UTRN: variants seen among roughly 807,000 people sequenced by gnomAD.
UTRN encodes the protein dystrophin-related protein 1.
UTRN carries 283 observed loss-of-function variants against 463.9 expected under a neutral mutation model. The ratio of observed to expected loss-of-function variants is 0.61; its 90% CI spans 0.55 to 0.67. UTRN has a LOEUF of 0.67. Among genes scored for constraint, UTRN ranks in the 30% least tolerant of loss-of-function variants. The probability of loss-of-function intolerance (pLI) is 0.00; values close to 1 mark genes in which losing one functional copy is unlikely to be tolerated. For synonymous variants in UTRN, 1,442 were observed against 1,431.5 expected (o/e 1.01, Z -0.17); for missense variants, 3,922 against 4,084.3 (o/e 0.96, Z 1.08).
At chr6:144,812,258 C>T (rs1778685204) in intron 65 of UTRN, among the ~76,000 whole-genome samples, 1 of 152,120 alleles carries the variant, frequency 6.6e-6, no homozygotes, top group African/African-American at 2.4e-5. Flanking sequence ...AGCTTCCTTT[C>T]ATGTGTTGCT....
chr6:144,642,038 G>A (rs746661080), intron 51 of UTRN, among the ~76,000 whole-genome samples: 4 of 152,178 alleles, frequency 2.6e-5, no homozygotes, highest in Non-Finnish European at 4.4e-5. Flanking sequence ...AAGGCATAGA[G>A]TGTATGTCCC....
intron 43 of UTRN, 44 bp from the exon 44 acceptor site, chr6:144,537,538 T>C: frequency 7.0e-7 from 1 of 1,423,532 alleles, no homozygotes; most frequent in African/African-American, 1.5e-5. Context: ...TCTGCTTAAT[T>C]GGACAGTTTT....
intron 43 of UTRN, among the ~76,000 whole-genome samples, chr6:144,535,731 A>G (rs987040677): frequency 6.6e-6 from 1 of 152,182 alleles, no homozygotes; most frequent in African/African-American, 2.4e-5. Context: ...TTGTTTTTGT[A>G]TTGAGTGCCT....
chr6:144,545,323 G>A (rs1044779236), intron 46 of UTRN, among the ~76,000 whole-genome samples: 7 of 152,162 alleles, frequency 4.6e-5, no homozygotes, highest in Non-Finnish European at 1.0e-4. Flanking sequence ...TGATTGTGTC[G>A]TTTCTTTGTT....
At chr6:144,631,534 G>A (rs1776522050) in intron 51 of UTRN, among the ~76,000 whole-genome samples, 1 of 152,172 alleles carries the variant, frequency 6.6e-6, no homozygotes, top group Non-Finnish European at 1.5e-5. Flanking sequence ...AAAAGGTTTT[G>A]TGAGGGAAAG....
At chr6:144,466,703 A>G (rs1789996646) in intron 23 of UTRN, among the ~76,000 whole-genome samples, 1 of 152,192 alleles carries the variant, frequency 6.6e-6, no homozygotes, top group Admixed American at 6.5e-5. Flanking sequence ...CTGCTTATAT[A>G]TCTCTCCTCA....
chr6:144,482,263 A>C lies in UTRN; in HGVS notation c.3562A>C (p.Asn1188His), dbSNP rs202155507. ...KEVRVKILKD[N>H]IKLLAAKVPS... ...GGTGAGAGTGAAGATTCTCAAGGAC[A>C]ACATCAAGTTATTAGCTGCCAAGGT... is the stretch of plus-strand genomic sequence containing the variant. Residue 1188 changes from asparagine to histidine, a missense_variant, in exon 27 of 75, where the codon AAC becomes CAC. Asn to His is a moderately conservative substitution (Grantham distance 68). Around this residue, in one of 3 missense-constraint regions of UTRN, gnomAD observed 2,349 missense variants for 2,303.8 expected, o/e 1.02. Transcript: ENST00000367545. 1.2e-4 allele frequency: 197 copies of C among 1,607,592 alleles called. No individual in the cohort carries two copies. The East Asian group carries it at 4.1e-3, about 34-fold the overall frequency.
chr6:144,805,406 G>A (rs1778059802), intron 65 of UTRN, among the ~76,000 whole-genome samples: 1 of 152,198 alleles, frequency 6.6e-6, no homozygotes, highest in South Asian at 2.1e-4. Context: ...AATCAGTAAG[G>A]TTTGTCTGAG....
At position 144,690,750 on chromosome 6, in the gene UTRN, C is replaced by T. The variant is rs1324918966; in HGVS notation, c.7653-9337C>T. 3.3e-5 allele frequency among the ~76,000 whole-genome samples: 5 copies of T among 152,280 alleles called. No homozygotes were observed. The East Asian group carries it at 9.7e-4, about 30-fold the overall frequency. ...CTTCTCATCTACTCCCCATTGCTCACTACACCAGCTCCGGAGCTGGGTAGG... is the reference window on the plus strand; with the variant it reads ...CTTCTCATCTACTCCCCATTGCTCATTACACCAGCTCCGGAGCTGGGTAGG... On this transcript the variant is annotated intron_variant, in intron 52 of 74. Transcript: ENST00000367545.
chr6:144,609,996 C>A (rs1316382217), intron 51 of UTRN, among the ~76,000 whole-genome samples: 2 of 151,440 alleles, frequency 1.3e-5, no homozygotes, highest in Non-Finnish European at 2.9e-5. Context: ...CATGAATAAA[C>A]AATCTAATGT....
chr6:144,833,990 T>G lies in UTRN; in HGVS notation c.9666-1790T>G, dbSNP rs1414042054. 2.6e-5 allele frequency among the ~76,000 whole-genome samples: 4 copies of G among 152,188 alleles called. No individual in the cohort carries two copies. In the East Asian group the frequency reaches 7.7e-4, roughly 29 times the overall value. Reference sequence around the variant, plus strand: ...CTGCAGTGGTGCAGTACCCATACTCTCTTCTTCTCGTCCTTCTAAACCCAG... The same window carrying G: ...CTGCAGTGGTGCAGTACCCATACTCGCTTCTTCTCGTCCTTCTAAACCCAG... On this transcript the variant is annotated intron_variant, in intron 69 of 74. Transcript: ENST00000367545.
Position 144,755,541 on chromosome 6 carries a change from T to C in UTRN, c.8434+743T>C. Among the ~76,000 whole-genome samples the C allele has an allele frequency of 1.3e-5, 2 of 152,202 alleles. 1 individual carries two copies. The highest frequency in any genetic ancestry group is 1.3e-4 in the Admixed American group (2 of 15,272). On this transcript the variant is annotated intron_variant, in intron 57 of 74. Coordinates refer to ENST00000367545, the MANE Select transcript of UTRN (RefSeq NM_007124.3). ...ATTTCTTTGTCTTAAAATACCGTAT[T>C]ACCTATTTCCTCTGATTGTTTTGAG...
At chr6:144,565,190 G>A (rs1486670809) in intron 50 of UTRN, among the ~76,000 whole-genome samples, 1 of 152,210 alleles carries the variant, frequency 6.6e-6, no homozygotes, top group Non-Finnish European at 1.5e-5. Context: ...AACAATCCAA[G>A]ATGGTATTTT....
At chr6:144,435,411 AC>A (rs1410735751) in intron 9 of UTRN, among the ~76,000 whole-genome samples, 13 of 152,240 alleles carry the variant, frequency 8.5e-5, no homozygotes, top group Non-Finnish European at 1.6e-4. Context: ...TACAATCAGT[AC>A]AGCAGCCTGT....
At chr6:144,767,488 G>A (rs1793487410) in intron 58 of UTRN, among the ~76,000 whole-genome samples, 1 of 152,112 alleles carries the variant, frequency 6.6e-6, no homozygotes, top group Non-Finnish European at 1.5e-5. Flanking sequence ...GACTATCTCT[G>A]TTTAAATCCC....
In UTRN at chr6:144,818,538, T is replaced by C. The variant is rs530233478; in HGVS notation, c.9358-2344T>C. ...GGCCTAAGAGATCAAAACTTTTACATTGCTAGGTATGGAGTTTACTCCCAA... is the reference window on the plus strand; with the variant it reads ...GGCCTAAGAGATCAAAACTTTTACACTGCTAGGTATGGAGTTTACTCCCAA... On this transcript the variant is annotated intron_variant, in intron 65 of 74. Coordinates refer to ENST00000367545, the MANE Select transcript of UTRN (RefSeq NM_007124.3). Among the ~76,000 whole-genome samples the C allele has an allele frequency of 3.2e-4, 48 of 152,316 alleles. No individual in the cohort carries two copies. In the South Asian group the frequency reaches 8.1e-3, roughly 26 times the overall value.
At chr6:144,562,974 A>G (rs1254697183) in intron 50 of UTRN, among the ~76,000 whole-genome samples, 2 of 152,078 alleles carry the variant, frequency 1.3e-5, no homozygotes, top group African/African-American at 4.8e-5. Context: ...GCTTTTTTTC[A>G]TATGTTTGGT....
At chr6:144,418,598 C>A (rs1471813118) in intron 3 of UTRN, among the ~76,000 whole-genome samples, 3 of 151,498 alleles carry the variant, frequency 2.0e-5, no homozygotes, top group African/African-American at 7.3e-5. Context: ...CAGAGTCTTG[C>A]TGTGTTGCCT....
At position 144,554,756 on chromosome 6, in the gene UTRN, G is replaced by A. The variant is rs1041890358; in HGVS notation, c.6997G>A (p.Asp2333Asn). The A allele has an allele frequency of 1.9e-6, 3 of 1,613,868 alleles. No homozygotes were observed. Among genetic ancestry groups the A allele is most frequent in the African/African-American group, 2.7e-5 (2 of 74,880 alleles). Reference sequence around the variant, plus strand: ...TGAGCTAAGACAGCAGCAGCTTGAGGACATGATTATTGACAGTCTTCAGTG... The same window carrying A: ...TGAGCTAAGACAGCAGCAGCTTGAGAACATGATTATTGACAGTCTTCAGTG... ...GVELRQQQLEDMIIDSLQWDD... is the reference protein window; with the variant it reads ...GVELRQQQLENMIIDSLQWDD... The change falls in exon 49 of 75, where the codon GAC becomes AAC. Residue 2333 changes from aspartate to asparagine, a missense_variant. Asp to Asn is a conservative substitution (Grantham distance 23). Transcript: ENST00000367545.
Sources: allele counts gnomAD v4.1 joint callset (sites outside exome capture counted in the v4.1 genomes callset), GRCh38; gene constraint gnomAD v4.1.1; regional missense constraint gnomAD v4.1.1; transcripts MANE v1.5; gene names NCBI Gene and HGNC (gene_info 2026-07-23, HGNC 2026-07-21).